PTPRM: variants seen among roughly 807,000 people sequenced by gnomAD.
The protein encoded by PTPRM is protein tyrosine phosphatase receptor type M.
In PTPRM, 47 loss-of-function variants were observed where a neutral mutation model predicts 186.7. The observed-to-expected ratio is 0.25, with a 90% CI of 0.20 to 0.32. The LOEUF is 0.32. PTPRM is among the 10% of genes least tolerant of loss of function. The pLI is 1.00. For synonymous variants in PTPRM, 668 were observed against 674.9 expected, an observed-to-expected ratio of 0.99 and a Z score of 0.16; for missense variants, 1,494 against 1,865.0, an observed-to-expected ratio of 0.80 and a Z score of 3.66.
At chr18:8,184,003 C>T (rs1568481353) in intron 14 of PTPRM, among the ~76,000 whole-genome samples, 1 of 152,130 alleles carries the variant, frequency 6.6e-6, no homozygotes, top group Non-Finnish European at 1.5e-5. Flanking sequence ...TGCTGATCTC[C>T]CAAGATACTG....
At chr18:7,797,439 T>C (rs1271825561) in intron 2 of PTPRM, among the ~76,000 whole-genome samples, 1 of 152,246 alleles carries the variant, frequency 6.6e-6, no homozygotes, top group African/African-American at 2.4e-5. Flanking sequence ...GATTAGGGTG[T>C]TCCTCCACTC....
chr18:7,735,502 G>C (rs1219163655), intron 1 of PTPRM, among the ~76,000 whole-genome samples: 1 of 151,956 alleles, frequency 6.6e-6, no homozygotes, highest in African/African-American at 2.4e-5. Flanking sequence ...CCAAATTCCA[G>C]CCTGACTCTA....
chr18:8,142,527 C>T (rs1028578821), intron 13 of PTPRM, among the ~76,000 whole-genome samples: 2 of 152,030 alleles, frequency 1.3e-5, no homozygotes, highest in African/African-American at 4.8e-5. Context: ...AGTTTGTCCT[C>T]CTGGTCTTGG....
At chr18:8,352,612 G>T (rs1411986713) in intron 23 of PTPRM, among the ~76,000 whole-genome samples, 2 of 145,500 alleles carry the variant, frequency 1.4e-5, no homozygotes, top group African/African-American at 2.5e-5. Context: ...CAAAGGACAT[G>T]ATTTCATTCT....
chr18:8,115,554 C>A (rs139773998), intron 13 of PTPRM, among the ~76,000 whole-genome samples: 33 of 152,176 alleles, frequency 2.2e-4, no homozygotes, highest in Non-Finnish European at 4.1e-4. Flanking sequence ...TTTAAAATGT[C>A]GTCTTAAAAT....
At chr18:8,393,646 A>G (rs962486921) in intron 31 of PTPRM, among the ~76,000 whole-genome samples, 1 of 152,236 alleles carries the variant, frequency 6.6e-6, no homozygotes, top group Non-Finnish European at 1.5e-5. Context: ...TAAGGTGTTC[A>G]TATCAGGGAA....
intron 19 of PTPRM, among the ~76,000 whole-genome samples, chr18:8,274,822 G>T (rs1022413208): frequency 1.3e-5 from 2 of 152,184 alleles, no homozygotes; most frequent in Non-Finnish European, 2.9e-5. Flanking sequence ...CAATGTCCTT[G>T]TCAAGAGCTT....
At chr18:7,982,255 A>G (rs2082593213) in intron 7 of PTPRM, among the ~76,000 whole-genome samples, 2 of 147,398 alleles carry the variant, frequency 1.4e-5, no homozygotes, top group South Asian at 4.4e-4. Flanking sequence ...TTCTTATTCT[A>G]TAAGCTGTTT....
intron 7 of PTPRM, among the ~76,000 whole-genome samples, chr18:7,964,471 GTTTTA>G (rs2053889452): frequency 6.6e-6 from 1 of 152,090 alleles, no homozygotes; most frequent in Admixed American, 6.5e-5. Flanking sequence ...TTGTTTGTTT[GTTTTA>G]AACAGTACCA....
chr18:8,032,110 A>T (rs1178438136), intron 7 of PTPRM, among the ~76,000 whole-genome samples: 1 of 152,202 alleles, frequency 6.6e-6, no homozygotes, highest in Non-Finnish European at 1.5e-5. Context: ...CTGAAAATCA[A>T]TTAAAACTGT....
At chr18:7,977,488 A>G (rs2055033733) in intron 7 of PTPRM, among the ~76,000 whole-genome samples, 1 of 152,146 alleles carries the variant, frequency 6.6e-6, no homozygotes, top group African/African-American at 2.4e-5. Context: ...GTTCTGGTCC[A>G]GGGAACAGCC....
intron 32 of PTPRM, among the ~76,000 whole-genome samples, chr18:8,398,830 G>T (rs1244731036): frequency 6.7e-6 from 1 of 148,602 alleles, no homozygotes; most frequent in Non-Finnish European, 1.5e-5. Flanking sequence ...ATGACTCCTT[G>T]TCTGTGAAAT....
intron 6 of PTPRM, among the ~76,000 whole-genome samples, chr18:7,952,141 A>G (rs893776235): frequency 3.9e-5 from 6 of 152,248 alleles, no homozygotes; most frequent in African/African-American, 1.4e-4. Flanking sequence ...ATATGTAAAC[A>G]TATTTCATAC....
At chr18:8,054,479 C>T (rs2148296793) in intron 7 of PTPRM, among the ~76,000 whole-genome samples, 1 of 150,818 alleles carries the variant, frequency 6.6e-6, no homozygotes, top group African/African-American at 2.4e-5. Context: ...AGATGAGTTA[C>T]TTGTTACTGA....
chr18:8,250,882 A>T (rs897970540), intron 17 of PTPRM, among the ~76,000 whole-genome samples: 1 of 152,186 alleles, frequency 6.6e-6, no homozygotes, highest in African/African-American at 2.4e-5. Context: ...TATCAATAAT[A>T]ATTCTTTTTT....
intron 1 of PTPRM, among the ~76,000 whole-genome samples, chr18:7,595,312 A>C (rs534670088): frequency 1.3e-4 from 20 of 152,334 alleles, no homozygotes; most frequent in African/African-American, 4.3e-4. Context: ...CCCATGAAGT[A>C]TCAGAATCTA....
chr18:7,725,346 A>G (rs2040525660), intron 1 of PTPRM, among the ~76,000 whole-genome samples: 1 of 151,984 alleles, frequency 6.6e-6, no homozygotes, highest in African/African-American at 2.4e-5. Context: ...TATTGTCCAT[A>G]TTTTTTGTTC....
chr18:8,314,724 A>T, intron 20 of PTPRM, 57 bp from the exon 21 acceptor site: 1 of 1,304,890 alleles, frequency 7.7e-7, no homozygotes, highest in African/African-American at 1.5e-5. Context: ...TGGGGCTCAG[A>T]GCCACCTACC....
chr18:7,612,768 C>A (rs1221426934), intron 1 of PTPRM, among the ~76,000 whole-genome samples: 1 of 152,112 alleles, frequency 6.6e-6, no homozygotes, highest in Non-Finnish European at 1.5e-5. Context: ...ATTTTGGCTT[C>A]AGGGAAGGTG....
Sources: gnomAD v4.1 joint callset for allele counts (sites outside exome capture counted in the v4.1 genomes callset) on GRCh38, gnomAD v4.1.1 for gene constraint, MANE v1.5 for transcripts, NCBI Gene and HGNC (gene_info 2026-07-23, HGNC 2026-07-21) for gene names.